The following RNF150 variants were observed in gnomAD, a reference collection of about 807,000 sequenced individuals.
RNF150 encodes ring finger protein 150.
A neutral mutation model predicts 39.3 loss-of-function variants in RNF150; 24 were observed. That is an observed-to-expected ratio of 0.61 (90% CI 0.44 to 0.86). RNF150 has a LOEUF of 0.86. Among genes scored for constraint, RNF150 ranks in the 40% least tolerant of loss-of-function variants. The pLI, the probability that RNF150 is intolerant of heterozygous loss-of-function variation, is 0.00. For missense variants in RNF150, 502 were observed against 587.8 expected, an observed-to-expected ratio of 0.85 and a Z score of 1.51; for synonymous variants, 255 against 227.3, an observed-to-expected ratio of 1.12 and a Z score of -1.10.
At chr4:141,025,392 C>A (rs1391385256) in intron 1 of RNF150, among the ~76,000 whole-genome samples, 1 of 151,276 alleles carries the variant, frequency 6.6e-6, no homozygotes, top group Non-Finnish European at 1.5e-5. Context: ...GTGTGTAATC[C>A]CATAACTAGA....
chr4:141,190,978 C>A (rs1354953237), intron 1 of RNF150, among the ~76,000 whole-genome samples: 1 of 152,182 alleles, frequency 6.6e-6, no homozygotes, highest in Admixed American at 6.5e-5. Context: ...AATTTGAAGT[C>A]CAGCTCCATG....
chr4:140,980,108 T>A (rs1733806790), intron 1 of RNF150, among the ~76,000 whole-genome samples: 1 of 152,106 alleles, frequency 6.6e-6, no homozygotes, highest in African/African-American at 2.4e-5. Context: ...AGTGGCATGA[T>A]CTTGGGTCAC....
At chr4:141,181,530 T>A (rs1727909108) in intron 1 of RNF150, among the ~76,000 whole-genome samples, 1 of 152,208 alleles carries the variant, frequency 6.6e-6, no homozygotes, top group Non-Finnish European at 1.5e-5. Flanking sequence ...CCTGCAGCTC[T>A]GCTTTTTGTT....
At chr4:141,076,982 G>T (rs1457872023) in intron 1 of RNF150, among the ~76,000 whole-genome samples, 2 of 152,060 alleles carry the variant, frequency 1.3e-5, no homozygotes, top group African/African-American at 4.8e-5. Flanking sequence ...ATCCTAAAAT[G>T]TAAGTTTCAA....
At chr4:141,181,381 G>C (rs1241959243) in intron 1 of RNF150, among the ~76,000 whole-genome samples, 1 of 152,172 alleles carries the variant, frequency 6.6e-6, no homozygotes, top group African/African-American at 2.4e-5. Flanking sequence ...ACTGTGGCTG[G>C]TTGAATAAAT....
In RNF150 at chr4:140,863,095, G is replaced by A. The variant is rs1728556524; in HGVS notation, c.*5166C>T. The A allele has an allele frequency of 1.3e-5, 2 of 152,118 alleles. No homozygotes were observed. Among genetic ancestry groups the A allele is most frequent in the Admixed American group, 1.3e-4 (2 of 15,266 alleles). 9.4% of individuals were successfully genotyped at this position (152,118 alleles called of 1,614,324 possible). On this transcript the variant is annotated 3_prime_UTR_variant, in exon 7 of 7. Transcript: ENST00000515673. Reference sequence around the variant, plus strand: ...CTTTGTCAGTCTTCAGGAATTAGTGGCCCTCAGATCACTTACGATGAGCAA... The same window carrying A: ...CTTTGTCAGTCTTCAGGAATTAGTGACCCTCAGATCACTTACGATGAGCAA...
At chr4:141,006,718 A>C (rs1734885668) in intron 1 of RNF150, among the ~76,000 whole-genome samples, 2 of 152,310 alleles carry the variant, frequency 1.3e-5, no homozygotes, top group African/African-American at 2.4e-5. Context: ...AGTCTACTTA[A>C]ATAGCATGTT....
At chr4:141,145,376 A>G (rs986972226) in intron 1 of RNF150, among the ~76,000 whole-genome samples, 2 of 152,258 alleles carry the variant, frequency 1.3e-5, no homozygotes, top group Non-Finnish European at 2.9e-5. Flanking sequence ...ACTGTGGAAT[A>G]TTATGAAGGC....
chr4:141,059,075 AT>A (rs1737106902), intron 1 of RNF150, among the ~76,000 whole-genome samples: 1 of 152,084 alleles, frequency 6.6e-6, no homozygotes, highest in Non-Finnish European at 1.5e-5. Context: ...AGGAGACAAT[AT>A]TTTGCCCCTA....
chr4:141,105,455 T>G (rs919459710), intron 1 of RNF150, among the ~76,000 whole-genome samples: 14 of 152,198 alleles, frequency 9.2e-5, no homozygotes, highest in African/African-American at 3.4e-4. Context: ...GTTTCCATAA[T>G]TTAACTTGTT....
At position 140,949,382 on chromosome 4, in the gene RNF150, C is replaced by T; in HGVS notation, c.736-10G>A. The T allele has an allele frequency of 6.2e-7, 1 of 1,611,038 alleles. No homozygotes were observed. Among genetic ancestry groups the T allele is most frequent in the Non-Finnish European group, 8.5e-7 (1 of 1,177,844 alleles). ...CATCCCCCAGTCGGCGCTGAAAAGC[C>T]AAAACGTGCTTGTTAATAATAAAGA... is the stretch of plus-strand genomic sequence containing the variant. On this transcript the variant is annotated splice_polypyrimidine_tract_variant and intron_variant, in intron 2 of 6. Transcript: ENST00000515673.
At chr4:141,188,503 T>A (rs1728052301) in intron 1 of RNF150, among the ~76,000 whole-genome samples, 1 of 152,204 alleles carries the variant, frequency 6.6e-6, no homozygotes, top group Admixed American at 6.5e-5. Flanking sequence ...GTAGGCTTGA[T>A]CTTTTCACAA....
At chr4:141,189,264 C>G (rs906126177) in intron 1 of RNF150, among the ~76,000 whole-genome samples, 1 of 152,196 alleles carries the variant, frequency 6.6e-6, no homozygotes, top group African/African-American at 2.4e-5. Flanking sequence ...GCTTCTTCCT[C>G]TGGAAGCTTC....
chr4:140,979,720 A>C (rs751362802), intron 1 of RNF150, among the ~76,000 whole-genome samples: 1 of 152,006 alleles, frequency 6.6e-6, no homozygotes, highest in Non-Finnish European at 1.5e-5. Flanking sequence ...TATTGTAGGG[A>C]CCTCTGAAAA....
chr4:140,968,998 A>G (rs2111426780), intron 1 of RNF150, among the ~76,000 whole-genome samples: 1 of 152,114 alleles, frequency 6.6e-6, no homozygotes, highest in South Asian at 2.1e-4. Flanking sequence ...CTACAAATTA[A>G]AGGGAGGAAA....
intron 1 of RNF150, among the ~76,000 whole-genome samples, chr4:141,153,166 GA>G (rs1293358428): frequency 1.3e-5 from 2 of 152,166 alleles, no homozygotes; most frequent in Non-Finnish European, 2.9e-5. Flanking sequence ...GCACTTTCTA[GA>G]GAAGTTGTTG....
chr4:141,161,191 T>C (rs1311733197), intron 1 of RNF150, among the ~76,000 whole-genome samples: 1 of 152,178 alleles, frequency 6.6e-6, no homozygotes, highest in East Asian at 1.9e-4. Context: ...GAGGAACTTA[T>C]TGAGAACTCA....
chr4:140,941,848 G>C (rs919656193), intron 4 of RNF150, among the ~76,000 whole-genome samples: 1 of 152,102 alleles, frequency 6.6e-6, no homozygotes, highest in African/African-American at 2.4e-5. Context: ...CACTGTCAGG[G>C]TTTTGAGTGT....
chr4:140,943,355 A>C (rs1245480840), intron 4 of RNF150, among the ~76,000 whole-genome samples: 1 of 152,278 alleles, frequency 6.6e-6, no homozygotes, highest in Non-Finnish European at 1.5e-5. Flanking sequence ...CAAAATAAGC[A>C]TAAGAAATAA....
Sources: gnomAD v4.1 joint callset for allele counts (sites outside exome capture counted in the v4.1 genomes callset) on GRCh38, gnomAD v4.1.1 for gene constraint, MANE v1.5 for transcripts, NCBI Gene and HGNC (gene_info 2026-07-23, HGNC 2026-07-21) for gene names.